The following ZNF475 variants were observed in gnomAD, a reference collection of about 807,000 sequenced individuals.
The protein encoded by ZNF475 is zinc finger protein 475.
the ZNF475 span, chr5:122,179,611 C>T: frequency 1.3e-6 from 2 of 1,531,742 alleles, no homozygotes; most frequent in South Asian, 1.2e-5. Context: ...GAATATGGAA[C>T]AAAATCTATT....
the ZNF475 span, among the ~76,000 whole-genome samples, chr5:122,160,977 A>C: frequency 6.6e-6 from 1 of 152,316 alleles, no homozygotes; most frequent in East Asian, 1.9e-4. Context: ...AGTGCAACGC[A>C]ATCTGTAAGG....
the ZNF475 span, among the ~76,000 whole-genome samples, chr5:122,164,151 A>C: frequency 1.3e-5 from 2 of 152,174 alleles, no homozygotes; most frequent in Non-Finnish European, 2.9e-5. Context: ...AATGAGATAT[A>C]AGGAAAATAC....
At chr5:122,174,368 A>G in the ZNF475 span, among the ~76,000 whole-genome samples, 3 of 152,216 alleles carry the variant, frequency 2.0e-5, no homozygotes, top group South Asian at 2.1e-4. Context: ...TGTAAAATCA[A>G]TGAAAAATAA....
chr5:122,182,395 G>A, the ZNF475 span: 15 of 927,936 alleles, frequency 1.6e-5, no homozygotes, highest in South Asian at 1.1e-4. Flanking sequence ...TGGTTCTCCC[G>A]AATAAAAACT....
the ZNF475 span, chr5:122,179,797 G>A: frequency 1.5e-5 from 17 of 1,160,212 alleles, no homozygotes; most frequent in East Asian, 5.6e-5. Flanking sequence ...AATAAGAGCA[G>A]AAGTATTCTT....
the ZNF475 span, among the ~76,000 whole-genome samples, chr5:122,170,359 C>T: frequency 6.6e-6 from 1 of 152,294 alleles, no homozygotes; most frequent in South Asian, 2.1e-4. Context: ...ACTCACACTT[C>T]TGTCAACTTG....
the ZNF475 span, among the ~76,000 whole-genome samples, chr5:122,165,756 A>C: frequency 7.4e-6 from 1 of 135,974 alleles, no homozygotes; most frequent in Non-Finnish European, 1.5e-5. Flanking sequence ...GGATGATGCA[A>C]CCTACAAAAA....
the ZNF475 span, chr5:122,179,958 G>A: frequency 3.1e-6 from 1 of 318,394 alleles, no homozygotes; most frequent in African/African-American, 2.1e-5. Context: ...GTGCATGAGA[G>A]GGACCTATGG....
chr5:122,176,047 T>G, the ZNF475 span, among the ~76,000 whole-genome samples: 1 of 152,140 alleles, frequency 6.6e-6, no homozygotes, highest in Admixed American at 6.6e-5. Context: ...TCTAATAGCC[T>G]TTACTCAGCC....
the ZNF475 span, among the ~76,000 whole-genome samples, chr5:122,171,696 T>C: frequency 6.6e-6 from 1 of 152,154 alleles, no homozygotes; most frequent in South Asian, 2.1e-4. Context: ...GTACTGCTCC[T>C]TCCCCTGCCA....
At chr5:122,165,162 G>T in the ZNF475 span, among the ~76,000 whole-genome samples, 11 of 152,358 alleles carry the variant, frequency 7.2e-5, no homozygotes, top group Non-Finnish European at 1.6e-4. Flanking sequence ...CTTTCCTCCA[G>T]ATGCATCTGC....
the ZNF475 span, chr5:122,179,694 C>T: frequency 8.5e-6 from 13 of 1,526,644 alleles, no homozygotes; most frequent in Non-Finnish European, 1.1e-5. Flanking sequence ...GTTAAGGAGA[C>T]CAGTACCTAA....
the ZNF475 span, among the ~76,000 whole-genome samples, chr5:122,165,730 T>C: frequency 6.7e-6 from 1 of 149,860 alleles, no homozygotes; most frequent in Non-Finnish European, 1.5e-5. Flanking sequence ...ACCTACAAAA[T>C]GTAGGTTTGA....
At chr5:122,172,035 G>C in the ZNF475 span, among the ~76,000 whole-genome samples, 1 of 152,126 alleles carries the variant, frequency 6.6e-6, no homozygotes. Flanking sequence ...AAGAGCCACT[G>C]GGCACAGCCT....
the ZNF475 span, among the ~76,000 whole-genome samples, chr5:122,170,198 T>G: frequency 6.6e-6 from 1 of 152,126 alleles, no homozygotes; most frequent in Non-Finnish European, 1.5e-5. Flanking sequence ...ATGTGTGGAT[T>G]TTTTCCCCCA....
chr5:122,161,374 C>T, the ZNF475 span, among the ~76,000 whole-genome samples: 20,374 of 152,104 alleles, frequency 0.13, 1,371 homozygotes, highest in South Asian at 0.2. Context: ...ATAAAGGTAT[C>T]ACTGGTCCCA....
chr5:122,163,391 C>T, the ZNF475 span: 2 of 152,154 alleles, frequency 1.3e-5, no homozygotes, highest in Non-Finnish European at 2.9e-5. Context: ...TTTAATATTG[C>T]AACATACACA....
At chr5:122,173,998 G>A in the ZNF475 span, among the ~76,000 whole-genome samples, 11 of 152,280 alleles carry the variant, frequency 7.2e-5, no homozygotes, top group South Asian at 1.9e-3. Flanking sequence ...CTTGGATAAC[G>A]CTTTCCTGGA....
At chr5:122,173,771 C>T in the ZNF475 span, among the ~76,000 whole-genome samples, 1 of 152,116 alleles carries the variant, frequency 6.6e-6, no homozygotes, top group Non-Finnish European at 1.5e-5. Flanking sequence ...AAACTGAGAG[C>T]ACAGAAACAA....
Sources: allele counts gnomAD v4.1 joint callset (sites outside exome capture counted in the v4.1 genomes callset), GRCh38; gene constraint gnomAD v4.1.1; transcripts MANE v1.5; gene names NCBI Gene and HGNC (gene_info 2026-07-23, HGNC 2026-07-21).